Variants in SDHA observed in about 807,000 individuals in gnomAD.
SDHA encodes succinate dehydrogenase [ubiquinone] flavoprotein subunit, mitochondrial.
Under a neutral mutation model 78.4 loss-of-function variants are expected in SDHA, and 48 were observed. The observed-to-expected ratio is 0.61, with a 90% CI of 0.49 to 0.78. The LOEUF (loss-of-function observed/expected upper bound fraction) is 0.78, where lower values mean the gene tolerates loss of function less well. Ranked by LOEUF, SDHA falls within the 30% of genes least tolerant of loss-of-function variation. The probability of loss-of-function intolerance (pLI) is 0.00; values close to 1 mark genes in which losing one functional copy is unlikely to be tolerated. For missense variants in SDHA, 680 were observed against 892.7 expected, an observed-to-expected ratio of 0.76 and a Z score of 3.04; for synonymous variants, 326 against 353.9, an observed-to-expected ratio of 0.92 and a Z score of 0.88.
At chr5:251,868 C>T (rs1279858510) in intron 13 of SDHA, 2 of 382,776 alleles carry the variant, frequency 5.2e-6, no homozygotes, top group Non-Finnish European at 9.8e-6. Flanking sequence ...CCGTTTCAAA[C>T]CTGCCCTGTG....
At chr5:246,080 TAGAAC>T (rs1376325583) in intron 11 of SDHA, among the ~76,000 whole-genome samples, 3 of 151,566 alleles carry the variant, frequency 2.0e-5, no homozygotes, top group African/African-American at 7.3e-5. Context: ...CCCAAATAAA[TAGAAC>T]AGATCCAGAG....
At chr5:219,933 GA>G (rs1329104614) in intron 1 of SDHA, among the ~76,000 whole-genome samples, 1 of 152,176 alleles carries the variant, frequency 6.6e-6, no homozygotes, top group Non-Finnish European at 1.5e-5. Context: ...TTTTCCTACA[GA>G]AATTCTGCCT....
rs1346179573 is a variant in SDHA at position 229,994 on chromosome 5, CATTATACAGCATGGTGGCTAGAGTTAAT to C, written c.771-861_771-834del. 7.2e-3 allele frequency among the ~76,000 whole-genome samples: 1,086 copies of C among 151,556 alleles called. 16 individuals carry two copies. Among genetic ancestry groups the C allele is most frequent in the African/African-American group, 0.026 (1,062 of 41,264 alleles). On this transcript the variant is annotated intron_variant, in intron 6 of 14. Coordinates refer to ENST00000264932, the MANE Select transcript of SDHA (RefSeq NM_004168.4). ...TATACAGCATGGTGGCTAGAGTTAA[CATTATACAGCATGGTGGCTAGAGTTAAT>C]ATTATACAGCATGGTGGCTATCGTT...
intron 10 of SDHA, among the ~76,000 whole-genome samples, chr5:238,650 T>C (rs1735938107): frequency 1.3e-5 from 2 of 152,160 alleles, no homozygotes; most frequent in Non-Finnish European, 2.9e-5. Context: ...CATGCGCCTA[T>C]ACATGTGTTA....
chr5:249,928 G>A (rs1215658875), intron 11 of SDHA: 1 of 152,208 alleles, frequency 6.6e-6, no homozygotes, highest in Non-Finnish European at 1.5e-5. Context: ...TAAGAGATTT[G>A]TATCTAAAAA....
At chr5:247,155 A>T (rs1422781349) in intron 11 of SDHA, among the ~76,000 whole-genome samples, 1 of 152,214 alleles carries the variant, frequency 6.6e-6, no homozygotes, top group Admixed American at 6.5e-5. Context: ...TTCAGCTCAA[A>T]AAGTGGAGCT....
chr5:228,172 T>C lies in SDHA; in HGVS notation c.622-13T>C, dbSNP rs748743806. On this transcript the variant is annotated splice_polypyrimidine_tract_variant and intron_variant, in intron 5 of 14. Transcript: ENST00000264932. ...CTTAACACTTCTTGCCCTTTTTTTT[T>C]CCTTTCTTTTAGTCTCTGCGATATG... 1.6e-5 allele frequency: 25 copies of C among 1,611,916 alleles called. No individual in the cohort carries two copies. Among genetic ancestry groups the C allele is most frequent in the Middle Eastern group, 1.7e-4 (1 of 6,024 alleles).
chr5:219,445 A>G (rs1734590705), intron 1 of SDHA, among the ~76,000 whole-genome samples: 2 of 152,250 alleles, frequency 1.3e-5, no homozygotes, highest in South Asian at 2.1e-4. Context: ...TAAAAATCTC[A>G]ATAGGAACCA....
intron 10 of SDHA, among the ~76,000 whole-genome samples, chr5:238,436 C>A (rs1317857876): frequency 6.7e-6 from 1 of 148,654 alleles, no homozygotes; most frequent in Admixed American, 6.7e-5. Flanking sequence ...TATATATACA[C>A]ATATATATGT....
intron 3 of SDHA, chr5:224,986 G>A: frequency 3.0e-6 from 1 of 331,614 alleles, no homozygotes; most frequent in Non-Finnish European, 5.7e-6. Context: ...CTCTGAGTGT[G>A]GAGTTTATTA....
the SDHA span, among the ~76,000 whole-genome samples, chr5:263,767 C>T: frequency 6.6e-6 from 1 of 152,162 alleles, no homozygotes; most frequent in Non-Finnish European, 1.5e-5. Flanking sequence ...CTGTGGAATG[C>T]AGAACATTGC....
intron 8 of SDHA, 199 bp from the exon 9 acceptor site, chr5:234,945 C>T: frequency 1.5e-6 from 1 of 651,310 alleles, no homozygotes; most frequent in South Asian, 1.8e-5. Flanking sequence ...TGGTTCTCAG[C>T]TGTGTCCCAG....
chr5:221,924 C>T (rs1305825302), intron 1 of SDHA, among the ~76,000 whole-genome samples: 1 of 152,074 alleles, frequency 6.6e-6, no homozygotes, highest in Non-Finnish European at 1.5e-5. Context: ...AGTGGGTCTT[C>T]CACATCAACA....
intron 1 of SDHA, among the ~76,000 whole-genome samples, chr5:221,371 C>T (rs1370213592): frequency 6.6e-6 from 1 of 152,202 alleles, no homozygotes; most frequent in African/African-American, 2.4e-5. Flanking sequence ...AACTACCCTG[C>T]TTCCGCTTCT....
chr5:234,675 T>G (rs1735653078), intron 8 of SDHA: 1 of 215,952 alleles, frequency 4.6e-6, no homozygotes, highest in Admixed American at 5.2e-5. Flanking sequence ...AACTTAAACG[T>G]AAAACTTGAA....
chr5:225,204 CTG>C (rs1734935786), intron 3 of SDHA, among the ~76,000 whole-genome samples: 1 of 147,920 alleles, frequency 6.8e-6, no homozygotes, highest in Non-Finnish European at 1.5e-5. Flanking sequence ...GATGAGGAGA[CTG>C]AGGCTAAGGA....
chr5:255,848 A>G lies in SDHA; in HGVS notation c.1909-486A>G, dbSNP rs1354445256. ...TTTAAATTTCTTTGTATATGTGCCT[A>G]CCTTTTCCTGTGTGTGCATATTTAA... On this transcript the variant is annotated intron_variant, in intron 14 of 14. Coordinates refer to ENST00000264932, the MANE Select transcript of SDHA (RefSeq NM_004168.4). 2.6e-5 allele frequency among the ~76,000 whole-genome samples: 4 copies of G among 152,180 alleles called. No individual in the cohort carries two copies. The East Asian group carries it at 5.8e-4, about 22-fold the overall frequency.
At chr5:254,588 A>G (rs1195729142) in intron 14 of SDHA, 82 bp downstream of exon 14, 1 of 1,482,166 alleles carries the variant, frequency 6.7e-7, no homozygotes, top group East Asian at 2.5e-5. Context: ...GCTGATGGTG[A>G]ACGGGGAAGA....
At chr5:255,590 A>T (rs1318257222) in intron 14 of SDHA, among the ~76,000 whole-genome samples, 6 of 151,832 alleles carry the variant, frequency 4.0e-5, no homozygotes, top group African/African-American at 1.2e-4. Flanking sequence ...TCCTGGGCAC[A>T]TGGCACCATG....
Sources: allele counts gnomAD v4.1 joint callset (sites outside exome capture counted in the v4.1 genomes callset), GRCh38; gene constraint gnomAD v4.1.1; transcripts MANE v1.5; gene names NCBI Gene and HGNC (gene_info 2026-07-23, HGNC 2026-07-21).